The following EMID1 variants were observed in gnomAD, a reference collection of about 807,000 sequenced individuals.
The protein encoded by EMID1 is EMI domain-containing protein 1.
In EMID1, 40 loss-of-function variants were observed where a neutral mutation model predicts 60.6. The observed-to-expected ratio is 0.66, with a 90% confidence interval of 0.51 to 0.86. The LOEUF is 0.86. Among genes scored for constraint, EMID1 ranks in the 40% least tolerant of loss-of-function variants. The pLI is 0.00. For synonymous variants in EMID1, 242 were observed against 231.0 expected (o/e 1.05, Z -0.43); for missense variants, 585 against 597.1 (o/e 0.98, Z 0.21).
At chr22:29,236,031 G>T (rs757691157) in intron 12 of EMID1, among the ~76,000 whole-genome samples, 49 of 152,006 alleles carry the variant, frequency 3.2e-4, no homozygotes, top group Non-Finnish European at 5.4e-4. Context: ...CTACGGTTAG[G>T]TCTTATTTTT....
intron 13 of EMID1, among the ~76,000 whole-genome samples, chr22:29,253,464 C>T (rs2041595575): frequency 6.6e-6 from 1 of 150,656 alleles, no homozygotes; most frequent in Non-Finnish European, 1.5e-5. Context: ...TGCCTGTAAT[C>T]CCAGCTACTT....
chr22:29,244,122 T>C (rs1372015188), intron 13 of EMID1, among the ~76,000 whole-genome samples: 1 of 152,188 alleles, frequency 6.6e-6, no homozygotes, highest in East Asian at 1.9e-4. Context: ...AAAGGACCTA[T>C]AGTTTACACA....
chr22:29,224,389 G>A (rs1400306711), intron 3 of EMID1, among the ~76,000 whole-genome samples: 6 of 151,948 alleles, frequency 3.9e-5, no homozygotes, highest in South Asian at 4.2e-4. Flanking sequence ...CCCCTGGTTT[G>A]GCCAGTCCAT....
intron 2 of EMID1, 162 bp from the exon 3 acceptor site, chr22:29,215,365 G>C (rs539499829): frequency 1.8e-5 from 16 of 880,154 alleles, no homozygotes; most frequent in Non-Finnish European, 2.2e-5. Flanking sequence ...GTGGTGGGGG[G>C]ATGGAAGGGC....
At chr22:29,230,794 AT>A (rs200619384) in intron 5 of EMID1, among the ~76,000 whole-genome samples, 5 of 151,896 alleles carry the variant, frequency 3.3e-5, no homozygotes, top group African/African-American at 1.2e-4. Flanking sequence ...TCTACAAATA[AT>A]TTTTTTTTAA....
intron 1 of EMID1, among the ~76,000 whole-genome samples, chr22:29,211,293 G>A (rs1231779699): frequency 2.6e-5 from 4 of 152,188 alleles, no homozygotes; most frequent in East Asian, 1.9e-4. Context: ...CAGGGAGGAC[G>A]GTCATTTCTG....
chr22:29,251,328 C>T (rs2041520875), intron 13 of EMID1, among the ~76,000 whole-genome samples: 1 of 152,060 alleles, frequency 6.6e-6, no homozygotes, highest in South Asian at 2.1e-4. Flanking sequence ...GCAGTCCACC[C>T]ACCTCAGCCT....
At chr22:29,246,851 C>T (rs1255922439) in intron 13 of EMID1, among the ~76,000 whole-genome samples, 1 of 152,202 alleles carries the variant, frequency 6.6e-6, no homozygotes, top group Non-Finnish European at 1.5e-5. Flanking sequence ...CAAGAACTCA[C>T]AATGTGTCCC....
At chr22:29,213,578 C>T (rs1209752300) in intron 1 of EMID1, among the ~76,000 whole-genome samples, 2 of 152,012 alleles carry the variant, frequency 1.3e-5, no homozygotes, top group African/African-American at 2.4e-5. Flanking sequence ...AGGGCTGCAG[C>T]GAGTGGGGGC....
At chr22:29,224,317 C>T (rs1227264320) in intron 3 of EMID1, among the ~76,000 whole-genome samples, 3 of 152,218 alleles carry the variant, frequency 2.0e-5, no homozygotes, top group Non-Finnish European at 4.4e-5. Context: ...AAAGGAAGGC[C>T]TGGGGGGCTG....
intron 6 of EMID1, 113 bp downstream of exon 6, chr22:29,231,253 C>A: frequency 7.1e-7 from 1 of 1,408,634 alleles, no homozygotes; most frequent in Non-Finnish European, 9.5e-7. Flanking sequence ...CTCTAGTGGG[C>A]CTCAGTCTTC....
intron 3 of EMID1, chr22:29,216,384 T>G (rs2040083377): frequency 1.0e-6 from 1 of 985,304 alleles, no homozygotes; most frequent in Non-Finnish European, 1.2e-6. Flanking sequence ...GCTGAACCCA[T>G]GAGCAGCAGA....
intron 5 of EMID1, among the ~76,000 whole-genome samples, chr22:29,229,415 G>A (rs1435282171): frequency 6.6e-6 from 1 of 151,892 alleles, no homozygotes; most frequent in Non-Finnish European, 1.5e-5. Context: ...AAGCTGAGGC[G>A]GGCGGATCAC....
chr22:29,249,833 T>C (rs1461835025), intron 13 of EMID1, among the ~76,000 whole-genome samples: 2 of 151,880 alleles, frequency 1.3e-5, no homozygotes, highest in African/African-American at 4.8e-5. Context: ...CAGGCTGATC[T>C]CAAACTCCTG....
intron 9 of EMID1, 21 bp downstream of exon 9, chr22:29,233,489 G>A (rs2040829782): frequency 1.2e-6 from 2 of 1,612,918 alleles, no homozygotes; most frequent in Non-Finnish European, 1.7e-6. Flanking sequence ...TCCAGGCCAG[G>A]GGTAAAGGGT....
At chr22:29,227,491 G>A (rs2040559029) in intron 5 of EMID1, among the ~76,000 whole-genome samples, 1 of 151,876 alleles carries the variant, frequency 6.6e-6, no homozygotes, top group African/African-American at 2.4e-5. Context: ...GATTGCTTGA[G>A]GCCAAGAGTT....
In EMID1 at chr22:29,231,007, T is replaced by C; in HGVS notation, c.466-13T>C. ...GACCCTGGTACCCACCCCGTCCCTG[T>C]CTTCCTCTTCAGATGACCATGCTGA... On this transcript the variant is annotated splice_polypyrimidine_tract_variant and intron_variant, in intron 5 of 14. Transcript: ENST00000334018. 1.9e-6 allele frequency: 3 copies of C among 1,610,612 alleles called. No homozygotes were observed. The highest frequency in any genetic ancestry group is 2.5e-6 in the Non-Finnish European group (3 of 1,178,348).
intron 10 of EMID1, 148 bp downstream of exon 10, chr22:29,233,814 T>C: frequency 1.2e-6 from 1 of 823,414 alleles, no homozygotes; most frequent in Non-Finnish European, 1.9e-6. Flanking sequence ...CAAGTATTTA[T>C]TGAGCACTTA....
intron 5 of EMID1, among the ~76,000 whole-genome samples, chr22:29,228,071 G>A (rs1364536148): frequency 2.0e-5 from 3 of 150,838 alleles, no homozygotes; most frequent in Non-Finnish European, 2.9e-5. Context: ...CAGGAGAATC[G>A]CTTGAACCCG....
Sources: allele counts gnomAD v4.1 joint callset (sites outside exome capture counted in the v4.1 genomes callset), GRCh38; gene constraint gnomAD v4.1.1; transcripts MANE v1.5; gene names NCBI Gene and HGNC (gene_info 2026-07-23, HGNC 2026-07-21).